The following TTC28 variants were observed in gnomAD, a reference collection of about 807,000 sequenced individuals.
The protein encoded by TTC28 is tetratricopeptide repeat protein 28.
In TTC28, 61 loss-of-function variants were observed where a neutral mutation model predicts 198.0. The observed-to-expected ratio is 0.31, with a 90% CI of 0.25 to 0.38. TTC28 has a LOEUF of 0.38. Ranked by LOEUF, TTC28 falls within the 10% of genes least tolerant of loss-of-function variation. TTC28 has a pLI of 1.00. For synonymous variants in TTC28, 1,171 were observed against 1,297.8 expected, an observed-to-expected ratio of 0.90 and a Z score of 2.10; for missense variants, 2,678 against 3,164.0, an observed-to-expected ratio of 0.85 and a Z score of 3.69.
intron 2 of TTC28, among the ~76,000 whole-genome samples, chr22:28,501,247 C>T (rs2048534413): frequency 6.6e-6 from 1 of 152,108 alleles, no homozygotes; most frequent in Non-Finnish European, 1.5e-5. Context: ...TATCCTGAGA[C>T]TGGCACTATA....
intron 2 of TTC28, among the ~76,000 whole-genome samples, chr22:28,609,683 G>T (rs964225158): frequency 1.3e-5 from 2 of 151,394 alleles, no homozygotes; most frequent in Non-Finnish European, 1.5e-5. Context: ...GCAGGAGTTT[G>T]TTTGTTTTTT....
intron 2 of TTC28, among the ~76,000 whole-genome samples, chr22:28,515,155 A>G (rs1054144143): frequency 2.0e-5 from 3 of 152,208 alleles, no homozygotes; most frequent in African/African-American, 7.2e-5. Context: ...TTTTAAATCA[A>G]TTATGAAATA....
intron 6 of TTC28, among the ~76,000 whole-genome samples, chr22:28,120,698 G>A (rs1317356582): frequency 6.6e-6 from 1 of 152,210 alleles, no homozygotes; most frequent in Non-Finnish European, 1.5e-5. Context: ...GGAAAAGGGA[G>A]AAACAGCAGA....
At chr22:28,502,963 T>C (rs910128605) in intron 2 of TTC28, among the ~76,000 whole-genome samples, 1 of 152,214 alleles carries the variant, frequency 6.6e-6, no homozygotes, top group African/African-American at 2.4e-5. Context: ...TTAGGTTGAA[T>C]GTTTATATTC....
Position 28,457,973 on chromosome 22 carries a change from T to C in TTC28, c.382-151330A>G, listed in dbSNP as rs372356743. ...TATCTAAAATTATACGTGGTCTTTA[T>C]TTAATTATTTTTAAGTAATTTTTGC... On this transcript the variant is annotated intron_variant, in intron 2 of 22. Transcript: ENST00000397906. Among the ~76,000 whole-genome samples the C allele has an allele frequency of 2.6e-5, 4 of 152,098 alleles. No homozygotes were observed. In the East Asian group the frequency reaches 7.7e-4, roughly 29 times the overall value.
intron 21 of TTC28, among the ~76,000 whole-genome samples, chr22:27,987,568 C>CA (rs952184227): frequency 4.6e-5 from 7 of 152,222 alleles, no homozygotes; most frequent in South Asian, 2.1e-4. Flanking sequence ...CCTGTGTCTA[C>CA]AAAAAATACA....
chr22:28,232,389 A>G (rs147104246), intron 5 of TTC28, among the ~76,000 whole-genome samples: 3,439 of 152,354 alleles, frequency 0.023, 60 homozygotes, highest in Middle Eastern at 0.044. Flanking sequence ...GCAGCCTTTC[A>G]GGCATAGGAG....
chr22:28,041,066 G>C (rs1323222673), intron 12 of TTC28, among the ~76,000 whole-genome samples: 1 of 151,932 alleles, frequency 6.6e-6, no homozygotes, highest in Non-Finnish European at 1.5e-5. Flanking sequence ...CAAACTACTG[G>C]TCAACAAAAT....
intron 2 of TTC28, among the ~76,000 whole-genome samples, chr22:28,390,956 G>A (rs1159568551): frequency 6.6e-6 from 1 of 152,108 alleles, no homozygotes; most frequent in Non-Finnish European, 1.5e-5. Context: ...CTACATTTTG[G>A]CATGATTTTG....
intron 12 of TTC28, among the ~76,000 whole-genome samples, chr22:28,039,418 G>A (rs1453144419): frequency 6.6e-6 from 1 of 151,384 alleles, no homozygotes; most frequent in Non-Finnish European, 1.5e-5. Flanking sequence ...ACTATAGCAA[G>A]GACAAAAAAC....
intron 2 of TTC28, among the ~76,000 whole-genome samples, chr22:28,575,220 C>T (rs1016896763): frequency 6.6e-6 from 1 of 152,132 alleles, no homozygotes; most frequent in Non-Finnish European, 1.5e-5. Context: ...AGATAAGGGT[C>T]TAGTTTCATC....
intron 5 of TTC28, among the ~76,000 whole-genome samples, chr22:28,283,475 C>A (rs1402544722): frequency 3.3e-5 from 5 of 152,100 alleles, no homozygotes; most frequent in Admixed American, 3.3e-4. Flanking sequence ...GTGCTGTGGT[C>A]AGGATGATGT....
At chr22:28,433,526 T>C (rs1195004525) in intron 2 of TTC28, among the ~76,000 whole-genome samples, 1 of 152,204 alleles carries the variant, frequency 6.6e-6, no homozygotes, top group Non-Finnish European at 1.5e-5. Context: ...CTAAGTATTA[T>C]AAATACTATC....
At chr22:28,596,754 T>C (rs781596068) in intron 2 of TTC28, among the ~76,000 whole-genome samples, 4 of 152,202 alleles carry the variant, frequency 2.6e-5, no homozygotes, top group African/African-American at 7.2e-5. Flanking sequence ...TAATCACTTA[T>C]TAATTTTGCA....
chr22:28,585,950 CAT>C, intron 2 of TTC28, among the ~76,000 whole-genome samples: 1 of 151,140 alleles, frequency 6.6e-6, no homozygotes, highest in East Asian at 1.9e-4. Flanking sequence ...AAGTTCTGCA[CAT>C]GTATCCCTGA....
intron 2 of TTC28, among the ~76,000 whole-genome samples, chr22:28,340,295 T>TA (rs1199075739): frequency 6.6e-6 from 1 of 152,140 alleles, no homozygotes; most frequent in South Asian, 2.1e-4. Context: ...CACATTTCTA[T>TA]GAAATGTGAT....
chr22:28,537,021 C>T (rs920055327), intron 2 of TTC28, among the ~76,000 whole-genome samples: 17 of 151,634 alleles, frequency 1.1e-4, no homozygotes, highest in Middle Eastern at 3.4e-3. Context: ...TGGCCGGGCG[C>T]GGTGGCTCAC....
intron 21 of TTC28, among the ~76,000 whole-genome samples, chr22:27,986,969 TTGCTCAGAAC>T (rs1937236210): frequency 6.6e-6 from 1 of 152,150 alleles, no homozygotes; most frequent in African/African-American, 2.4e-5. Context: ...TTAAATGGGG[TTGCTCAGAAC>T]TGAGTCCTCT....
Position 27,982,844 on chromosome 22 carries a change from C to G in TTC28, c.6823G>C (p.Asp2275His), listed in dbSNP as rs1431610934. Residue 2275 changes from aspartate (D) to histidine (H), a missense_variant, in exon 23 of 23, where the codon GAC (aspartate) becomes CAC (histidine). By Grantham distance (81) the Asp-to-His change is moderately conservative. Coordinates refer to ENST00000397906, the MANE Select transcript of TTC28 (RefSeq NM_001145418.2). This position sits in a 1 kb window ranked among gnomAD's most constrained non-coding sequence, Gnocchi z 5.2. ...TGGTCCAGCTGGGAAGTCTGTGAGT[C>G]GCAGCCGGGCGATGGCCGGCCACTG... is the stretch of plus-strand genomic sequence containing the variant. ...QHSGRPSPGC[D>H]SQTSQLDQPL... 1.3e-6 allele frequency: 2 copies of G among 1,541,362 alleles called. No individual in the cohort carries two copies. The highest frequency in any genetic ancestry group is 1.8e-6 in the Non-Finnish European group (2 of 1,140,956).
Sources: allele counts gnomAD v4.1 joint callset (sites outside exome capture counted in the v4.1 genomes callset), GRCh38; gene constraint gnomAD v4.1.1; non-coding constraint Gnocchi (gnomAD v3.1); transcripts MANE v1.5; gene names NCBI Gene and HGNC (gene_info 2026-07-23, HGNC 2026-07-21).